Variants in RYK observed in about 807,000 individuals in gnomAD.
The protein encoded by RYK is receptor like tyrosine kinase.
Under a neutral mutation model 70.2 loss-of-function variants are expected in RYK, and 21 were observed. The ratio of observed to expected loss-of-function variants is 0.30; its 90% confidence interval spans 0.21 to 0.43. The LOEUF is 0.43. Ranked by LOEUF, RYK falls within the 20% of genes least tolerant of loss-of-function variation. The pLI is 1.00. For missense variants in RYK, 604 were observed against 753.3 expected, an observed-to-expected ratio of 0.80 and a Z score of 2.32; for synonymous variants, 267 against 278.0, an observed-to-expected ratio of 0.96 and a Z score of 0.39.
intron 4 of RYK, 98 bp from the exon 5 acceptor site, chr3:134,207,623 AGGT>A (rs760536819): frequency 1.0e-4 from 76 of 733,696 alleles, no homozygotes; most frequent in Non-Finnish European, 1.6e-4. Flanking sequence ...ACTCAGCAAC[AGGT>A]ATGTGTTGCG....
intron 1 of RYK, among the ~76,000 whole-genome samples, chr3:134,246,355 A>G (rs1167685708): frequency 3.7e-5 from 5 of 135,608 alleles, no homozygotes; most frequent in African/African-American, 5.7e-5. Context: ...GAGAGAGAGA[A>G]AATAAAGGGT....
At chr3:134,221,251 A>G (rs1399373040) in intron 2 of RYK, among the ~76,000 whole-genome samples, 2 of 115,700 alleles carry the variant, frequency 1.7e-5, no homozygotes, top group Non-Finnish European at 3.2e-5. Context: ...GTCTCCCAGG[A>G]TGGAGTGCAG....
intron 1 of RYK, among the ~76,000 whole-genome samples, chr3:134,236,356 T>C (rs779692299): frequency 1.3e-5 from 2 of 152,202 alleles, no homozygotes; most frequent in Middle Eastern, 3.4e-3. Flanking sequence ...CCATTTACAA[T>C]AGCATCCAAA....
At chr3:134,225,613 G>A (rs947185312) in intron 1 of RYK, among the ~76,000 whole-genome samples, 1 of 152,146 alleles carries the variant, frequency 6.6e-6, no homozygotes, top group Admixed American at 6.5e-5. Flanking sequence ...CAGCTCTTTG[G>A]GAGGCTGAAA....
At chr3:134,204,472 C>G (rs1313027617) in intron 5 of RYK, among the ~76,000 whole-genome samples, 1 of 151,924 alleles carries the variant, frequency 6.6e-6, no homozygotes, top group African/African-American at 2.4e-5. Flanking sequence ...GCACTCCAGC[C>G]TGGGTGACAA....
At chr3:134,191,155 G>C (rs2013629960) in intron 8 of RYK, among the ~76,000 whole-genome samples, 1 of 152,146 alleles carries the variant, frequency 6.6e-6, no homozygotes, top group African/African-American at 2.4e-5. Context: ...ACAACATGAA[G>C]AGCTCAGTGC....
At chr3:134,203,559 A>G (rs759310211) in intron 5 of RYK, among the ~76,000 whole-genome samples, 6 of 152,240 alleles carry the variant, frequency 3.9e-5, no homozygotes, top group South Asian at 2.1e-4. Flanking sequence ...AATGGATTGT[A>G]CCAAAGTAGA....
intron 1 of RYK, among the ~76,000 whole-genome samples, chr3:134,232,855 T>C (rs757975837): frequency 1.3e-5 from 2 of 152,232 alleles, no homozygotes; most frequent in African/African-American, 2.4e-5. Context: ...GGCAAGGGGA[T>C]CTGGAATAGC....
intron 13 of RYK, among the ~76,000 whole-genome samples, chr3:134,165,962 A>G (rs751234933): frequency 2.0e-5 from 3 of 152,236 alleles, no homozygotes; most frequent in Non-Finnish European, 4.4e-5. Context: ...CATTTAAATG[A>G]CACTTTGGAC....
intron 1 of RYK, among the ~76,000 whole-genome samples, chr3:134,232,624 C>T (rs1477896414): frequency 2.0e-5 from 3 of 152,158 alleles, no homozygotes; most frequent in Non-Finnish European, 4.4e-5. Context: ...GTTTTGAAAA[C>T]ACTTGTTTTG....
chr3:134,198,100 T>G (rs984034810), intron 6 of RYK, among the ~76,000 whole-genome samples: 3 of 152,172 alleles, frequency 2.0e-5, no homozygotes, highest in Non-Finnish European at 2.9e-5. Context: ...AACACCTACA[T>G]AGCTATATCA....
At chr3:134,190,298 C>T (rs1045001117) in intron 8 of RYK, among the ~76,000 whole-genome samples, 6 of 152,210 alleles carry the variant, frequency 3.9e-5, no homozygotes, top group Non-Finnish European at 8.8e-5. Flanking sequence ...TCTTAACTCT[C>T]TTGCACTGAA....
chr3:134,233,253 C>A (rs2015110368), intron 1 of RYK, among the ~76,000 whole-genome samples: 1 of 152,226 alleles, frequency 6.6e-6, no homozygotes, highest in Non-Finnish European at 1.5e-5. Context: ...TCTTGAGTGG[C>A]TGGCCCTTAA....
chr3:134,247,885 C>T (rs1001032104), intron 1 of RYK, among the ~76,000 whole-genome samples: 6 of 152,124 alleles, frequency 3.9e-5, no homozygotes, highest in African/African-American at 1.4e-4. Flanking sequence ...AATAATGGTT[C>T]GTTTCCTATG....
chr3:134,241,357 A>C (rs1052893523), intron 1 of RYK, among the ~76,000 whole-genome samples: 2 of 151,960 alleles, frequency 1.3e-5, no homozygotes, highest in African/African-American at 4.8e-5. Context: ...CTCAAAAAAA[A>C]AAAAAGAAAG....
At chr3:134,240,876 C>T (rs958242404) in intron 1 of RYK, among the ~76,000 whole-genome samples, 1 of 152,240 alleles carries the variant, frequency 6.6e-6, no homozygotes, top group Non-Finnish European at 1.5e-5. Context: ...AGTAACCTTG[C>T]TATTGCTCTT....
intron 2 of RYK, among the ~76,000 whole-genome samples, chr3:134,220,409 C>T (rs964939721): frequency 1.3e-5 from 2 of 151,994 alleles, no homozygotes; most frequent in African/African-American, 4.8e-5. Flanking sequence ...AAAATACTCA[C>T]TGACGTATGG....
At chr3:134,193,224 C>T (rs2013702913) in intron 7 of RYK, among the ~76,000 whole-genome samples, 1 of 151,296 alleles carries the variant, frequency 6.6e-6, no homozygotes, top group Non-Finnish European at 1.5e-5. Context: ...CACTCTGTTG[C>T]CTAGGCTGGA....
chr3:134,190,581 T>G (rs895471759), intron 8 of RYK, among the ~76,000 whole-genome samples: 4 of 152,222 alleles, frequency 2.6e-5, no homozygotes, highest in African/African-American at 9.6e-5. Flanking sequence ...CATGTAACTA[T>G]TGTTTTCTTT....
Sources: allele counts gnomAD v4.1 joint callset (sites outside exome capture counted in the v4.1 genomes callset), GRCh38; gene constraint gnomAD v4.1.1; transcripts MANE v1.5; gene names NCBI Gene and HGNC (gene_info 2026-07-23, HGNC 2026-07-21).